The following AIMP1 variants were observed in gnomAD, a reference collection of about 807,000 sequenced individuals.
The protein encoded by AIMP1 is aminoacyl tRNA synthetase complex interacting multifunctional protein 1.
AIMP1 carries 24 observed loss-of-function variants against 33.1 expected under a neutral mutation model. The ratio of observed to expected loss-of-function variants is 0.73; its 90% confidence interval spans 0.53 to 1.02. The LOEUF (loss-of-function observed/expected upper bound fraction) is 1.02. Ranked by LOEUF, AIMP1 falls within the 50% of genes least tolerant of loss-of-function variation. The pLI, the probability that AIMP1 is intolerant of heterozygous loss-of-function variation, is 0.00. For missense variants in AIMP1, 367 were observed against 364.8 expected, an observed-to-expected ratio of 1.01 and a Z score of -0.05; for synonymous variants, 120 against 121.5, an observed-to-expected ratio of 0.99 and a Z score of 0.08.
At chr4:106,336,847 T>C in intron 5 of AIMP1, 22 bp from the exon 6 acceptor site, 3 of 1,610,870 alleles carry the variant, frequency 1.9e-6, no homozygotes, top group Non-Finnish European at 2.5e-6. Flanking sequence ...CATCTTTACT[T>C]ACCAGTTTAT....
chr4:106,321,731 C>T (rs1409963093), intron 1 of AIMP1, among the ~76,000 whole-genome samples: 2 of 152,108 alleles, frequency 1.3e-5, no homozygotes, highest in Non-Finnish European at 2.9e-5. Flanking sequence ...GCCATGATGA[C>T]GATGGCAGTT....
At chr4:106,316,741 A>C in intron 1 of AIMP1, 147 bp downstream of exon 1, 2 of 661,600 alleles carry the variant, frequency 3.0e-6, no homozygotes, top group Non-Finnish European at 2.5e-6. Context: ...CCCTGGCCTA[A>C]GGAAACAGGA....
At chr4:106,340,822 G>A (rs1770068276) in intron 6 of AIMP1, among the ~76,000 whole-genome samples, 1 of 152,134 alleles carries the variant, frequency 6.6e-6, no homozygotes, top group Non-Finnish European at 1.5e-5. Context: ...GGGATTGCTA[G>A]GTCAAATGGT....
chr4:106,318,992 G>A (rs920416939), intron 1 of AIMP1, among the ~76,000 whole-genome samples: 6 of 152,032 alleles, frequency 3.9e-5, no homozygotes, highest in African/African-American at 1.4e-4. Context: ...TGGGATTGAA[G>A]CCATTTTACA....
chr4:106,326,649 AAAAG>A (rs1306374069), intron 2 of AIMP1, among the ~76,000 whole-genome samples: 3 of 152,320 alleles, frequency 2.0e-5, no homozygotes, highest in African/African-American at 7.2e-5. Flanking sequence ...GTAATGACTA[AAAAG>A]AAAGACATGA....
In AIMP1 at chr4:106,325,194, C is replaced by T. The variant is rs1191369013; in HGVS notation, c.109+76C>T. The T allele has an allele frequency of 2.7e-5, 35 of 1,316,442 alleles. 1 individual carries two copies. The highest frequency in any genetic ancestry group is 1.5e-4 in the African/African-American group (10 of 67,498). 81.5% of individuals were successfully genotyped at this position (1,316,442 alleles called of 1,614,324 possible). Reference sequence around the variant, plus strand: ...TTGATGGAGAAAAAATAATGTTTACCGCTTTAAGTTATTTAAGTTTTACTT... The same window carrying T: ...TTGATGGAGAAAAAATAATGTTTACTGCTTTAAGTTATTTAAGTTTTACTT... On this transcript the variant is annotated intron_variant, in intron 2 of 6. Coordinates refer to ENST00000672341, the MANE Select transcript of AIMP1 (RefSeq NM_001142416.2).
chr4:106,345,066 C>T (rs1027846236), intron 6 of AIMP1, among the ~76,000 whole-genome samples: 10 of 152,086 alleles, frequency 6.6e-5, no homozygotes, highest in African/African-American at 2.4e-4. Flanking sequence ...ATGACCAGCA[C>T]CTAGTAAGCA....
At chr4:106,325,980 CA>C (rs1472950696) in intron 2 of AIMP1, among the ~76,000 whole-genome samples, 6 of 152,040 alleles carry the variant, frequency 3.9e-5, no homozygotes, top group Admixed American at 3.9e-4. Context: ...TCACATGCCC[CA>C]TGATTCACAT....
intron 5 of AIMP1, among the ~76,000 whole-genome samples, chr4:106,333,539 T>C (rs893242158): frequency 3.3e-5 from 5 of 152,204 alleles, no homozygotes; most frequent in Admixed American, 2.6e-4. Flanking sequence ...GTTTTAAGTG[T>C]TTCATAAAAG....
chr4:106,323,115 T>G (rs1454806447), intron 1 of AIMP1, among the ~76,000 whole-genome samples: 2 of 152,212 alleles, frequency 1.3e-5, no homozygotes, highest in East Asian at 3.8e-4. Context: ...TTTCCTAAAC[T>G]TATGCTTGTT....
chr4:106,317,809 C>T (rs3133164), intron 1 of AIMP1, among the ~76,000 whole-genome samples: 152,276 of 152,280 alleles, frequency 1, 76,136 homozygotes, highest in Middle Eastern at 1. Flanking sequence ...ATGGAAATCA[C>T]ATCTGTCAAG....
intron 6 of AIMP1, among the ~76,000 whole-genome samples, chr4:106,341,048 G>A (rs1770079795): frequency 6.6e-6 from 1 of 152,154 alleles, no homozygotes; most frequent in South Asian, 2.1e-4. Context: ...CGACATATAT[G>A]TCTTCTGTTG....
At chr4:106,321,852 G>A (rs960735181) in intron 1 of AIMP1, among the ~76,000 whole-genome samples, 2 of 152,220 alleles carry the variant, frequency 1.3e-5, no homozygotes, top group Non-Finnish European at 2.9e-5. Context: ...TCTGTACTAA[G>A]AAAAATTCTT....
At chr4:106,340,930 TTTTTG>T (rs1193988746) in intron 6 of AIMP1, among the ~76,000 whole-genome samples, 1 of 152,178 alleles carries the variant, frequency 6.6e-6, no homozygotes. Context: ...CAACATCTTA[TTTTTG>T]TTTTTTGTCT....
chr4:106,320,678 GA>G (rs1769180478), intron 1 of AIMP1, among the ~76,000 whole-genome samples: 1 of 151,994 alleles, frequency 6.6e-6, no homozygotes, highest in East Asian at 1.9e-4. Flanking sequence ...AAGGAGCCCT[GA>G]AAGGAGGTGA....
In AIMP1 at chr4:106,316,606, C is replaced by T. The variant is rs1415030096; in HGVS notation, c.-26+12C>T. ...GTCCTCCGCTTCATGTGAGTGACGT[C>T]GTGGCGGGTCACTCACTCGGGGATC... On this transcript the variant is annotated intron_variant, in intron 1 of 6. Coordinates refer to ENST00000672341, the MANE Select transcript of AIMP1 (RefSeq NM_001142416.2). 3.9e-6 allele frequency: 6 copies of T among 1,550,692 alleles called. No individual in the cohort carries two copies. The highest frequency in any genetic ancestry group is 1.2e-5 in the South Asian group (1 of 83,988).
At chr4:106,337,126 G>T in intron 6 of AIMP1, 89 bp downstream of exon 6, 1 of 1,238,788 alleles carries the variant, frequency 8.1e-7, no homozygotes, top group Admixed American at 1.7e-5. Flanking sequence ...TCAGTCCTGT[G>T]TAAGAATCAT....
At chr4:106,335,778 T>C (rs548040622) in intron 5 of AIMP1, among the ~76,000 whole-genome samples, 3 of 151,972 alleles carry the variant, frequency 2.0e-5, no homozygotes, top group Non-Finnish European at 4.4e-5. Flanking sequence ...ATAACATTTA[T>C]TTATAAAACC....
At chr4:106,331,600 C>A in intron 4 of AIMP1, 72 bp from the exon 5 acceptor site, 1 of 1,326,610 alleles carries the variant, frequency 7.5e-7, no homozygotes, top group Non-Finnish European at 1.1e-6. Context: ...GGTATGGATA[C>A]CATGGAGTTT....
Sources: allele counts gnomAD v4.1 joint callset (sites outside exome capture counted in the v4.1 genomes callset), GRCh38; gene constraint gnomAD v4.1.1; transcripts MANE v1.5; gene names NCBI Gene and HGNC (gene_info 2026-07-23, HGNC 2026-07-21).